SCN2A: variants seen among roughly 807,000 people sequenced by gnomAD.
SCN2A encodes the protein sodium voltage-gated channel alpha subunit 2.
SCN2A carries 20 observed loss-of-function variants against 188.7 expected under a neutral mutation model. The ratio of observed to expected loss-of-function variants is 0.11; its 90% CI spans 0.07 to 0.15. The LOEUF (loss-of-function observed/expected upper bound fraction) is 0.15, where lower values mean the gene tolerates loss of function less well. Ranked by LOEUF, SCN2A falls within the 10% of genes least tolerant of loss-of-function variation. The pLI is 1.00. For missense variants in SCN2A, 1,278 were observed against 2,445.0 expected, an observed-to-expected ratio of 0.52 and a Z score of 10.07; for synonymous variants, 804 against 833.1, an observed-to-expected ratio of 0.97 and a Z score of 0.60.
At position 165,300,988 on chromosome 2, in the gene SCN2A, T is replaced by A. The variant is rs548010587; in HGVS notation, c.386+3853T>A. On this transcript the variant is annotated intron_variant, in intron 3 of 26. Coordinates refer to ENST00000375437, the MANE Select transcript of SCN2A (RefSeq NM_001040142.2). ...TGGAGTATGGTGGAAACAATGAGGA[T>A]GGTAAAATGTCATCAAATTTTGAGG... Among the ~76,000 whole-genome samples, 6 of 152,222 alleles carry A rather than the reference T, an allele frequency of 3.9e-5. No homozygotes were observed. The South Asian group carries it at 1.2e-3, about 32-fold the overall frequency.
At chr2:165,289,205 CA>C (rs1028278549) in intron 1 of SCN2A, among the ~76,000 whole-genome samples, 1 of 151,848 alleles carries the variant, frequency 6.6e-6, no homozygotes, top group African/African-American at 2.4e-5. Flanking sequence ...AATTGTGGTA[CA>C]ATGTTTATTA....
At chr2:165,322,341 C>A (rs189439729) in intron 11 of SCN2A, among the ~76,000 whole-genome samples, 1 of 152,140 alleles carries the variant, frequency 6.6e-6, no homozygotes, top group Admixed American at 6.5e-5. Flanking sequence ...AGCCTCAAGT[C>A]CTGCTGCATC....
At chr2:165,302,157 G>A (rs1696850800) in intron 3 of SCN2A, among the ~76,000 whole-genome samples, 1 of 152,102 alleles carries the variant, frequency 6.6e-6, no homozygotes, top group Non-Finnish European at 1.5e-5. Context: ...AAATATACAG[G>A]TTTATATGAA....
Position 165,307,892 on chromosome 2 carries a change from T to C in SCN2A, c.431T>C (p.Val144Ala). ...ATGTGCACGATTCTTACCAACTGTG[T>C]ATTTATGACCATGAGTAACCCTCCA... Reference protein sequence around the residue: ...LIMCTILTNCVFMTMSNPPDW... With the variant: ...LIMCTILTNCAFMTMSNPPDW... Residue 144 changes from valine (V) to alanine (A), a missense_variant, in exon 4 of 27, where the codon GTA (valine) becomes GCA (alanine). This residue lies in a region of SCN2A where 141 missense variants were observed against 185.4 expected (regional missense o/e 0.76). Transcript: ENST00000375437. The C allele has an allele frequency of 1.9e-6, 3 of 1,611,672 alleles. No homozygotes were observed. The highest frequency in any genetic ancestry group is 2.5e-6 in the Non-Finnish European group (3 of 1,177,898).
chr2:165,330,994 T>C (rs1049151809), intron 13 of SCN2A, among the ~76,000 whole-genome samples: 3 of 152,214 alleles, frequency 2.0e-5, no homozygotes, highest in African/African-American at 7.2e-5. Context: ...CTTCTTGCTC[T>C]ACCTGGAACA....
At position 165,386,955 on chromosome 2, in the gene SCN2A, C is replaced by T; in HGVS notation, c.4761C>T (p.Tyr1587=). Residue 1587 remains tyrosine (Y), a synonymous_variant, in exon 26 of 27, where the codon TAC becomes TAT. Coordinates refer to ENST00000375437, the MANE Select transcript of SCN2A (RefSeq NM_001040142.2). The part of the protein sequence containing the change: ...ECVLKLISLR[Y]YYFTIGWNIF... ...TGCTGAAACTGATCTCTCTTCGTTA[C>T]TACTATTTCACTATTGGATGGAATA... The T allele has an allele frequency of 6.2e-7, 1 of 1,613,738 alleles. No homozygotes were observed. Among genetic ancestry groups the T allele is most frequent in the Non-Finnish European group, 8.5e-7 (1 of 1,179,746 alleles).
intron 5 of SCN2A, 82 bp downstream of exon 5, chr2:165,308,876 C>T: frequency 6.6e-7 from 1 of 1,522,458 alleles, no homozygotes; most frequent in South Asian, 1.2e-5. Flanking sequence ...GGTGGCTTGC[C>T]TTGACAGACC....
At chr2:165,388,483 T>C (rs1347620110) in intron 26 of SCN2A, 146 bp from the exon 27 acceptor site, 1 of 1,137,614 alleles carries the variant, frequency 8.8e-7, no homozygotes, top group Non-Finnish European at 1.3e-6. Context: ...AGTTTCATTT[T>C]GCTCAACAAA....
At chr2:165,334,273 A>T (rs892139559) in intron 14 of SCN2A, among the ~76,000 whole-genome samples, 10 of 151,888 alleles carry the variant, frequency 6.6e-5, no homozygotes, top group Middle Eastern at 6.8e-3. Context: ...TCACTTTCTG[A>T]AGCTAGAATT....
At chr2:165,378,697 C>T (rs1326203170) in intron 23 of SCN2A, among the ~76,000 whole-genome samples, 1 of 151,698 alleles carries the variant, frequency 6.6e-6, no homozygotes, top group African/African-American at 2.4e-5. Context: ...CTCCACCTTC[C>T]TTATCAATAG....
intron 1 of SCN2A, among the ~76,000 whole-genome samples, chr2:165,292,913 A>T (rs1461363803): frequency 6.6e-6 from 1 of 152,250 alleles, no homozygotes; most frequent in Non-Finnish European, 1.5e-5. Context: ...ACTGGCACTT[A>T]GTAAGTCCTC....
At chr2:165,303,643 G>T (rs1195194878) in intron 3 of SCN2A, among the ~76,000 whole-genome samples, 1 of 152,144 alleles carries the variant, frequency 6.6e-6, no homozygotes, top group African/African-American at 2.4e-5. Context: ...AATTTGTAAA[G>T]TATGTGACTG....
chr2:165,364,148 G>C (rs942614174), intron 17 of SCN2A, among the ~76,000 whole-genome samples: 6 of 152,004 alleles, frequency 3.9e-5, no homozygotes, highest in Non-Finnish European at 7.4e-5. Context: ...TTTTTATAAA[G>C]TATCTCTTAT....
In SCN2A at chr2:165,296,382, C is replaced by T. The variant is rs191176517; in HGVS notation, c.267+292C>T. The T allele has an allele frequency of 2.8e-3, 1,083 of 383,362 alleles. 7 individuals are homozygous for T. The highest frequency in any genetic ancestry group is 0.02 in the African/African-American group (1,006 of 49,284). The allele number at this position is 383,362 out of a possible 1,614,324, so 23.7% of individuals were successfully genotyped here. On this transcript the variant is annotated intron_variant, in intron 2 of 26. Coordinates refer to ENST00000375437, the MANE Select transcript of SCN2A (RefSeq NM_001040142.2). Reference sequence around the variant, plus strand: ...TTGAATACAAATTATATGCTTAAACCAGTGTAAATTGACCCTGATTCCCTA... The same window carrying T: ...TTGAATACAAATTATATGCTTAAACTAGTGTAAATTGACCCTGATTCCCTA...
At chr2:165,272,963 G>T (rs1018486312) in intron 1 of SCN2A, 8 of 152,074 alleles carry the variant, frequency 5.3e-5, no homozygotes, top group Admixed American at 5.2e-4. Context: ...AAGAGGGTGG[G>T]CAAAATGTAG....
intron 26 of SCN2A, 32 bp from the exon 27 acceptor site, chr2:165,388,597 C>G: frequency 6.2e-7 from 1 of 1,613,284 alleles, no homozygotes; most frequent in Non-Finnish European, 8.5e-7. Context: ...TTAAGTATAA[C>G]AATATTTTTG....
At chr2:165,279,312 A>G (rs1201367597) in intron 1 of SCN2A, among the ~76,000 whole-genome samples, 1 of 152,196 alleles carries the variant, frequency 6.6e-6, no homozygotes, top group Non-Finnish European at 1.5e-5. Flanking sequence ...TCATTGGTTG[A>G]GATAGGGAAG....
chr2:165,356,999 G>A (rs1204712010), intron 17 of SCN2A, among the ~76,000 whole-genome samples: 5 of 152,180 alleles, frequency 3.3e-5, no homozygotes, highest in Admixed American at 1.3e-4. Flanking sequence ...TATTGCTTGA[G>A]TTGTGGAGTC....
At chr2:165,295,244 G>T (rs548897175) in intron 1 of SCN2A, among the ~76,000 whole-genome samples, 1 of 152,284 alleles carries the variant, frequency 6.6e-6, no homozygotes, top group South Asian at 2.1e-4. Context: ...GATTTCCAGA[G>T]ATTTTTACCC....
Sources: allele counts gnomAD v4.1 joint callset (sites outside exome capture counted in the v4.1 genomes callset), GRCh38; gene constraint gnomAD v4.1.1; regional missense constraint gnomAD v4.1.1; transcripts MANE v1.5; gene names NCBI Gene and HGNC (gene_info 2026-07-23, HGNC 2026-07-21).